The following NRF1 variants were observed in gnomAD, a reference collection of about 807,000 sequenced individuals.
The protein encoded by NRF1 is alpha palindromic-binding protein.
A neutral mutation model predicts 58.5 loss-of-function variants in NRF1; 5 were observed. That is an observed-to-expected ratio of 0.09 (90% CI 0.04 to 0.18). The LOEUF is 0.18. NRF1 is among the 10% of genes least tolerant of loss of function. NRF1 has a pLI of 1.00. For missense variants in NRF1, 288 were observed against 657.7 expected (o/e 0.44, Z 6.15); for synonymous variants, 224 against 246.7 (o/e 0.91, Z 0.86).
chr7:129,704,801 C>T (rs1802911913), intron 5 of NRF1, among the ~76,000 whole-genome samples: 1 of 152,186 alleles, frequency 6.6e-6, no homozygotes, highest in Non-Finnish European at 1.5e-5. Flanking sequence ...CCACATGTGA[C>T]ACTTGAAACA....
chr7:129,690,616 T>G, intron 5 of NRF1, 70 bp downstream of exon 5: 1 of 1,541,728 alleles, frequency 6.5e-7, no homozygotes, highest in Non-Finnish European at 8.9e-7. Flanking sequence ...TCTGATCACT[T>G]TTCTGCATTT....
At chr7:129,634,748 G>A (rs910786852) in intron 1 of NRF1, among the ~76,000 whole-genome samples, 3 of 152,196 alleles carry the variant, frequency 2.0e-5, no homozygotes, top group Non-Finnish European at 2.9e-5. Flanking sequence ...ACTATGTTTA[G>A]TTTTGTAAGA....
chr7:129,717,934 C>T (rs1300031165), intron 9 of NRF1, among the ~76,000 whole-genome samples: 1 of 152,210 alleles, frequency 6.6e-6, no homozygotes, highest in African/African-American at 2.4e-5. Flanking sequence ...CATGTTTAAG[C>T]AGCAAATGGC....
intron 10 of NRF1, among the ~76,000 whole-genome samples, chr7:129,742,424 G>A (rs1371614557): frequency 1.3e-5 from 2 of 152,126 alleles, no homozygotes; most frequent in African/African-American, 4.8e-5. Flanking sequence ...CGCTAGAGAG[G>A]CGTCCAGCAG....
intron 10 of NRF1, among the ~76,000 whole-genome samples, chr7:129,740,965 G>C (rs965582128): frequency 6.6e-6 from 1 of 152,132 alleles, no homozygotes; most frequent in Non-Finnish European, 1.5e-5. Flanking sequence ...ATGTCCTTCA[G>C]ATGTAGCTTT....
chr7:129,662,079 T>C (rs755097139), intron 2 of NRF1, among the ~76,000 whole-genome samples: 3 of 150,330 alleles, frequency 2.0e-5, no homozygotes, highest in South Asian at 2.1e-4. Context: ...ATGAGACTTA[T>C]TCACTATCAC....
In NRF1 at chr7:129,756,250, CAAG is replaced by C. The variant is rs1317811265; in HGVS notation, c.*1074_*1076del. ...TTCACAGAGGAGGCGCTGGAATGAA[CAAG>C]AAGAGACATCTGGTCTGTGGCCACA... On this transcript the variant is annotated 3_prime_UTR_variant, in exon 11 of 11. Coordinates refer to ENST00000393232, the MANE Select transcript of NRF1 (RefSeq NM_005011.5). 6.6e-6 allele frequency: 1 copy of C among 152,254 alleles called. No individual in the cohort carries two copies. Among genetic ancestry groups the C allele is most frequent in the East Asian group, 1.9e-4 (1 of 5,192 alleles). 9.4% of individuals were successfully genotyped at this position (152,254 alleles called of 1,614,324 possible). A position where few individuals can be genotyped will look rare whatever the true frequency, so the allele number is the denominator to read the frequency against.
intron 1 of NRF1, among the ~76,000 whole-genome samples, chr7:129,616,694 A>T (rs1800666924): frequency 6.6e-6 from 1 of 152,214 alleles, no homozygotes. Flanking sequence ...CTTAGAAGAT[A>T]ATCTGACAGT....
At chr7:129,677,985 G>A (rs1802221417) in intron 4 of NRF1, among the ~76,000 whole-genome samples, 1 of 151,404 alleles carries the variant, frequency 6.6e-6, no homozygotes, top group African/African-American at 2.4e-5. Flanking sequence ...GCAATGGGTG[G>A]CCGGGGGAAG....
At chr7:129,682,110 A>G (rs1448905833) in intron 4 of NRF1, among the ~76,000 whole-genome samples, 1 of 150,710 alleles carries the variant, frequency 6.6e-6, no homozygotes, top group African/African-American at 2.4e-5. Context: ...CCAGACATAT[A>G]TACATACCCA....
chr7:129,725,216 C>A (rs1412338682), intron 9 of NRF1, among the ~76,000 whole-genome samples: 1 of 152,126 alleles, frequency 6.6e-6, no homozygotes, highest in Non-Finnish European at 1.5e-5. Flanking sequence ...GCACAGCATT[C>A]TGAGTGTATT....
chr7:129,651,953 G>T (rs932780680), intron 1 of NRF1, among the ~76,000 whole-genome samples: 1 of 152,106 alleles, frequency 6.6e-6, no homozygotes, highest in African/African-American at 2.4e-5. Flanking sequence ...ATAGTACAAA[G>T]AATTCTCATG....
At chr7:129,725,842 CT>C (rs1274121668) in intron 9 of NRF1, among the ~76,000 whole-genome samples, 1 of 152,166 alleles carries the variant, frequency 6.6e-6, no homozygotes, top group Non-Finnish European at 1.5e-5. Context: ...TTTAATGACA[CT>C]TTTCTGTCCA....
intron 10 of NRF1, among the ~76,000 whole-genome samples, chr7:129,752,102 A>G (rs1804131149): frequency 6.6e-6 from 1 of 152,224 alleles, no homozygotes; most frequent in African/African-American, 2.4e-5. Context: ...CTGATCTTGA[A>G]AGAACCCTCT....
chr7:129,639,971 G>A (rs943392397), intron 1 of NRF1, among the ~76,000 whole-genome samples: 11 of 152,284 alleles, frequency 7.2e-5, no homozygotes, highest in Admixed American at 3.3e-4. Flanking sequence ...ACACTCTGGC[G>A]CTCACAGAAT....
At chr7:129,671,602 A>T (rs1416872013) in intron 3 of NRF1, 59 bp downstream of exon 3, 3 of 933,658 alleles carry the variant, frequency 3.2e-6, no homozygotes, top group Non-Finnish European at 5.3e-6. Context: ...TGGATGACAG[A>T]CTTAGAACAT....
At chr7:129,666,257 T>C (rs1243624101) in intron 2 of NRF1, among the ~76,000 whole-genome samples, 1 of 152,090 alleles carries the variant, frequency 6.6e-6, no homozygotes, top group Non-Finnish European at 1.5e-5. Flanking sequence ...TCCTGCTCCC[T>C]TCCCTCCCTC....
rs773291338 is a variant in NRF1, at chr7:129,755,022, G to C, written c.1353G>C (p.Leu451=). 6.2e-7 allele frequency: 1 copy of C among 1,606,818 alleles called. No homozygotes were observed. The highest frequency in any genetic ancestry group is 8.5e-7 in the Non-Finnish European group (1 of 1,177,230). The change falls in exon 11 of 11, where the codon CTG becomes CTC. Residue 451 remains leucine (L), a synonymous_variant. Coordinates refer to ENST00000393232, the MANE Select transcript of NRF1 (RefSeq NM_005011.5). This position sits in a 1 kb window ranked among gnomAD's most constrained non-coding sequence, Gnocchi z 5.8. ...GTCTTCTCTTTGTCTCTCCAGGCCT[G>C]GTCCAGATCCCTGTGAGCATGTACC... ...ALTGVQDANG[L]VQIPVSMYQT...
At chr7:129,735,778 G>A (rs1001264027) in intron 10 of NRF1, among the ~76,000 whole-genome samples, 1 of 152,122 alleles carries the variant, frequency 6.6e-6, no homozygotes. Flanking sequence ...GGAGGCCGAG[G>A]CAGATGGATC....
Sources: allele counts gnomAD v4.1 joint callset (sites outside exome capture counted in the v4.1 genomes callset), GRCh38; gene constraint gnomAD v4.1.1; non-coding constraint Gnocchi (gnomAD v3.1); transcripts MANE v1.5; gene names NCBI Gene and HGNC (gene_info 2026-07-23, HGNC 2026-07-21).